The following FAM171A2 variants were observed in gnomAD, a reference collection of about 807,000 sequenced individuals.
FAM171A2 encodes the protein family with sequence similarity 171 member A2.
A neutral mutation model predicts 34.2 loss-of-function variants in FAM171A2; 13 were observed. The observed-to-expected ratio is 0.38, with a 90% confidence interval of 0.25 to 0.60. FAM171A2 has a LOEUF of 0.60. FAM171A2 is among the 20% of genes least tolerant of loss of function. The pLI is 0.62. For missense variants in FAM171A2, 950 were observed against 1,180.7 expected (o/e 0.80, Z 2.86); for synonymous variants, 475 against 561.2 (o/e 0.85, Z 2.17).
Position 44,355,679 on chromosome 17 carries a change from A to C in FAM171A2, c.1022+36T>G. On this transcript the variant is annotated intron_variant, in intron 7 of 7. Coordinates refer to ENST00000293443, the MANE Select transcript of FAM171A2 (RefSeq NM_198475.3). The surrounding 1 kb of genome is among the most constrained non-coding windows in gnomAD (Gnocchi z 4.1). Reference sequence around the variant, plus strand: ...TCTTTGGGGCCCCAGGGCCCGGTACAAGTGCAGGGGAGGGTGAGGGAAGCC... The same window carrying C: ...TCTTTGGGGCCCCAGGGCCCGGTACCAGTGCAGGGGAGGGTGAGGGAAGCC... 6.4e-7 allele frequency: 1 copy of C among 1,550,592 alleles called. No individual in the cohort carries two copies. Among genetic ancestry groups the C allele is most frequent in the Non-Finnish European group, 8.7e-7 (1 of 1,146,502 alleles).
Position 44,354,534 on chromosome 17 carries a change from G to A in FAM171A2, c.1680C>T (p.Asp560=), listed in dbSNP as rs145834427. The A allele has an allele frequency of 0.011, 12,511 of 1,175,318 alleles. 1,110 individuals carry two copies. The African/African-American group carries it at 0.18, about 17-fold the overall frequency. The allele number at this position is 1,175,318 out of a possible 1,614,324, so 72.8% of individuals were successfully genotyped here. ...CCGTGCCCTCCGGCGGGGCCGGCTC[G>A]TCGCCCACGCCGGCGGCGCCCGCCT... ...GGEAGAAGVG[D]EPAPPEGTAP... The change falls in exon 8 of 8, where the codon GAC becomes GAT. Residue 560 remains aspartate, a synonymous_variant. Coordinates refer to ENST00000293443, the MANE Select transcript of FAM171A2 (RefSeq NM_198475.3). This position sits in a 1 kb window ranked among gnomAD's most constrained non-coding sequence, Gnocchi z 5.8.
intron 3 of FAM171A2, among the ~76,000 whole-genome samples, chr17:44,357,654 A>G (rs867289577): frequency 6.6e-6 from 1 of 151,976 alleles, no homozygotes; most frequent in Non-Finnish European, 1.5e-5. Context: ...CTCAAAAAAA[A>G]AAATTAATGA....
rs2048422414 is a variant in FAM171A2 at position 44,356,175 on chromosome 17, C to T, written c.776G>A (p.Ser259Asn). The change falls in exon 5 of 8, where the codon AGT becomes AAT. Residue 259 changes from serine to asparagine, a missense_variant and splice_region_variant. Around this residue, in one of 3 missense-constraint regions of FAM171A2, gnomAD observed 752 missense variants for 924.5 expected, o/e 0.81. Transcript: ENST00000293443. ...CTGCAGCCCCCTGAGGCACTTACCA[C>T]TCTTGGGGTCAAATCTCCAGGCTGG... The part of the protein sequence containing the change: ...SIPAWRFDPK[S>N]GLWVRNGTGV... The T allele has an allele frequency of 2.6e-6, 4 of 1,546,250 alleles. No homozygotes were observed. The highest frequency in any genetic ancestry group is 3.5e-6 in the Non-Finnish European group (4 of 1,143,108).
At chr17:44,356,705 C>CA in intron 3 of FAM171A2, 117 bp from the exon 4 acceptor site, 1 of 1,178,000 alleles carries the variant, frequency 8.5e-7, no homozygotes, top group Admixed American at 2.9e-5. Context: ...TTTGGAAGGC[C>CA]AGGGAGGGTG....
Position 44,354,266 on chromosome 17 carries a change from G to A in FAM171A2, c.1948C>T (p.His650Tyr). The change falls in exon 8 of 8, where the codon CAC becomes TAC. Residue 650 changes from histidine (H) to tyrosine (Y), a missense_variant. Around this residue, in one of 3 missense-constraint regions of FAM171A2, gnomAD observed 752 missense variants for 924.5 expected, o/e 0.81. Coordinates refer to ENST00000293443, the MANE Select transcript of FAM171A2 (RefSeq NM_198475.3). This position sits in a 1 kb window ranked among gnomAD's most constrained non-coding sequence, Gnocchi z 5.8. The part of the protein sequence containing the change: ...KKLLELGVKP[H>Y]PRAWFVSLDG... ...AGGGACACGAACCAGGCGCGCGGGT[G>A]CGGCTTCACGCCCAGTTCCAGCAGC... 1 of 1,453,094 alleles carries A rather than the reference G, an allele frequency of 6.9e-7. No individual in the cohort carries two copies. Among genetic ancestry groups the A allele is most frequent in the Non-Finnish European group, 9.1e-7 (1 of 1,096,438 alleles). 90.0% of individuals were successfully genotyped at this position (1,453,094 alleles called of 1,614,324 possible).
In FAM171A2 at chr17:44,353,950, T is replaced by C; in HGVS notation, c.2264A>G (p.Glu755Gly). ...CGCCCGGCCCTCGGGCGCCGCCACC[T>C]CGTCCAGCAGCGGCGTCAGCGAGTT... is the stretch of plus-strand genomic sequence containing the variant. ...EDNSLTPLLD[E>G]VAAPEGRAAT... The change falls in exon 8 of 8, where the codon GAG becomes GGG. Residue 755 changes from glutamate (E) to glycine (G), a missense_variant. Physicochemically the swap from Glu to Gly is moderately conservative, Grantham distance 98 (BLOSUM62 -2). Transcript: ENST00000293443. 7.7e-7 allele frequency: 1 copy of C among 1,294,650 alleles called. No individual in the cohort carries two copies. The highest frequency in any genetic ancestry group is 9.7e-7 in the Non-Finnish European group (1 of 1,026,024). The allele number at this position is 1,294,650 out of a possible 1,614,324, so 80.2% of individuals were successfully genotyped here.
In FAM171A2 at chr17:44,354,842, C is replaced by A; in HGVS notation, c.1372G>T (p.Glu458Ter). The A allele has an allele frequency of 7.8e-7, 1 of 1,286,558 alleles. No homozygotes were observed. Among genetic ancestry groups the A allele is most frequent in the South Asian group, 2.5e-5 (1 of 40,784 alleles). 79.7% of individuals were successfully genotyped at this position (1,286,558 alleles called of 1,614,324 possible). ...EGPGGLEPGL[E>*]EHRRGPSGAA... ...CCCGAGGGCCCCCGCCGGTGCTCCTCTAGGCCGGGCTCCAGCCCGCCGGGG... is the reference window on the plus strand; with the variant it reads ...CCCGAGGGCCCCCGCCGGTGCTCCTATAGGCCGGGCTCCAGCCCGCCGGGG... The change falls in exon 8 of 8, where the codon GAG becomes TAG. Residue 458 changes from glutamate to a stop codon, truncating the protein, a stop_gained. Transcript: ENST00000293443. LOFTEE classifies it low-confidence loss of function (END_TRUNC). The surrounding 1 kb of genome is among the most constrained non-coding windows in gnomAD (Gnocchi z 5.8).
At position 44,356,309 on chromosome 17, in the gene FAM171A2, G is replaced by T; in HGVS notation, c.642C>A (p.Ser214Arg). ...TCCCATTACCTGTCAGCAGGTGCAC[G>T]CTCACAGCAGTCAGGGGCATCAGCT... ...WLELMPLTAV[S>R]VHLLTGNGTE... The change falls in exon 5 of 8, where the codon AGC becomes AGA. Residue 214 changes from serine (S) to arginine (R), a missense_variant. By Grantham distance (110) the Ser-to-Arg change is moderately radical. This residue lies in a region of FAM171A2 where 752 missense variants were observed against 924.5 expected (regional missense o/e 0.81). Coordinates refer to ENST00000293443, the MANE Select transcript of FAM171A2 (RefSeq NM_198475.3). The T allele has an allele frequency of 6.5e-7, 1 of 1,550,184 alleles. No individual in the cohort carries two copies. Among genetic ancestry groups the T allele is most frequent in the Non-Finnish European group, 8.7e-7 (1 of 1,146,162 alleles).
In FAM171A2 at chr17:44,354,616, T is replaced by C. The variant is rs1598367851; in HGVS notation, c.1598A>G (p.Tyr533Cys). 2.4e-6 allele frequency: 3 copies of C among 1,267,078 alleles called. No individual in the cohort carries two copies. The East Asian group carries it at 9.5e-5, about 40-fold the overall frequency. 78.5% of individuals were successfully genotyped at this position (1,267,078 alleles called of 1,614,324 possible). Reference sequence around the variant, plus strand: ...CACCAGGGTGGGCATGACGTTGCGGTAGACGTTGTCCTTGAGGTGGTCGAT... The same window carrying C: ...CACCAGGGTGGGCATGACGTTGCGGCAGACGTTGTCCTTGAGGTGGTCGAT... Reference protein sequence around the residue: ...GSIDHLKDNVYRNVMPTLVIP... With the variant: ...GSIDHLKDNVCRNVMPTLVIP... Residue 533 changes from tyrosine (Y) to cysteine (C), a missense_variant, in exon 8 of 8, where the codon TAC (tyrosine) becomes TGC (cysteine). This residue lies in a region of FAM171A2 where 752 missense variants were observed against 924.5 expected (regional missense o/e 0.81). Coordinates refer to ENST00000293443, the MANE Select transcript of FAM171A2 (RefSeq NM_198475.3). This position sits in a 1 kb window ranked among gnomAD's most constrained non-coding sequence, Gnocchi z 5.8.
At position 44,359,367 on chromosome 17, in the gene FAM171A2, A is replaced by T; in HGVS notation, c.439+212T>A. ...CGATAACTGTAAACATTTATTGAACACCTTCTGTACTGTGTTTTTTCACTT... is the reference window on the plus strand; with the variant it reads ...CGATAACTGTAAACATTTATTGAACTCCTTCTGTACTGTGTTTTTTCACTT... On this transcript the variant is annotated intron_variant, in intron 3 of 7. Coordinates refer to ENST00000293443, the MANE Select transcript of FAM171A2 (RefSeq NM_198475.3). The T allele has an allele frequency of 5.2e-6, 3 of 572,648 alleles. No individual in the cohort carries two copies. The South Asian group carries it at 6.5e-5, about 13-fold the overall frequency. The allele number at this position is 572,648 out of a possible 1,614,324, so 35.5% of individuals were successfully genotyped here.
At chr17:44,357,992 A>G (rs2048432485) in intron 3 of FAM171A2, among the ~76,000 whole-genome samples, 1 of 152,176 alleles carries the variant, frequency 6.6e-6, no homozygotes, top group African/African-American at 2.4e-5. Flanking sequence ...TCGAGCCCGG[A>G]TAGAAGCCCA....
chr17:44,359,462 G>T, intron 3 of FAM171A2, 117 bp downstream of exon 3: 1 of 802,464 alleles, frequency 1.2e-6, no homozygotes, highest in Non-Finnish European at 2.0e-6. Flanking sequence ...GCAAATTATG[G>T]CTCAGAGAGG....
chr17:44,355,321 G>T lies in FAM171A2; in HGVS notation c.1023-130C>A. On this transcript the variant is annotated intron_variant, in intron 7 of 7. Transcript: ENST00000293443. This position sits in a 1 kb window ranked among gnomAD's most constrained non-coding sequence, Gnocchi z 4.1. ...TGGGGAGAATGCCTGGGGCGCTCAG[G>T]AGAGATGGCGGGGAGCCGCCGTGTC... The T allele has an allele frequency of 7.0e-7, 1 of 1,431,528 alleles. No individual in the cohort carries two copies. Among genetic ancestry groups the T allele is most frequent in the Non-Finnish European group, 9.2e-7 (1 of 1,088,662 alleles). 88.7% of individuals were successfully genotyped at this position (1,431,528 alleles called of 1,614,324 possible).
chr17:44,356,702 G>A (rs998834982), intron 3 of FAM171A2, 114 bp from the exon 4 acceptor site: 3 of 1,182,852 alleles, frequency 2.5e-6, no homozygotes, highest in Admixed American at 2.9e-5. Flanking sequence ...CACTTTGGAA[G>A]GCCAGGGAGG....
At position 44,359,573 on chromosome 17, in the gene FAM171A2, C is replaced by A. The variant is rs2048439254; in HGVS notation, c.439+6G>T. ...AAGAGTTGGCGTGGGTGAGGGGGAG[C>A]CTTACCGGGAGAGCCTAGGAGAATG... On this transcript the variant is annotated splice_donor_region_variant and intron_variant, in intron 3 of 7. Coordinates refer to ENST00000293443, the MANE Select transcript of FAM171A2 (RefSeq NM_198475.3). The A allele has an allele frequency of 1.3e-6, 2 of 1,550,870 alleles. No homozygotes were observed. The highest frequency in any genetic ancestry group is 1.4e-5 in the African/African-American group (1 of 73,108).
rs1348813988 is a variant in FAM171A2, at chr17:44,354,326, G to C, written c.1888C>G (p.Leu630Val). The C allele has an allele frequency of 6.9e-7, 1 of 1,445,564 alleles. No homozygotes were observed. The highest frequency in any genetic ancestry group is 9.2e-7 in the Non-Finnish European group (1 of 1,088,438). 89.5% of individuals were successfully genotyped at this position (1,445,564 alleles called of 1,614,324 possible). A position where few individuals can be genotyped will look rare whatever the true frequency, so the allele number is the denominator to read the frequency against. ...VLFNESTMAQ[L>V]NGELQALTEK... The stretch of plus-strand genomic sequence containing the variant: ...GTCAGGGCCTGCAGCTCCCCGTTGA[G>C]CTGCGCCATGGTGGACTCGTTGAAT... Residue 630 changes from leucine to valine, a missense_variant, in exon 8 of 8, where the codon CTC becomes GTC. Transcript: ENST00000293443. The surrounding 1 kb of genome is among the most constrained non-coding windows in gnomAD (Gnocchi z 5.8).
Position 44,355,337 on chromosome 17 carries a change from C to T in FAM171A2, c.1023-146G>A. On this transcript the variant is annotated intron_variant, in intron 7 of 7. Coordinates refer to ENST00000293443, the MANE Select transcript of FAM171A2 (RefSeq NM_198475.3). The surrounding 1 kb of genome is among the most constrained non-coding windows in gnomAD (Gnocchi z 4.1). ...GGCGCTCAGGAGAGATGGCGGGGAG[C>T]CGCCGTGTCCGTTTGGCGATCCCCT... 1.5e-6 allele frequency: 2 copies of T among 1,376,114 alleles called. No homozygotes were observed. Among genetic ancestry groups the T allele is most frequent in the Non-Finnish European group, 1.9e-6 (2 of 1,041,358 alleles). The allele number at this position is 1,376,114 out of a possible 1,614,324, so 85.2% of individuals were successfully genotyped here. A position where few individuals can be genotyped will look rare whatever the true frequency, so the allele number is the denominator to read the frequency against.
At chr17:44,363,024 A>T (rs2048454016) in intron 1 of FAM171A2, among the ~76,000 whole-genome samples, 1 of 152,106 alleles carries the variant, frequency 6.6e-6, no homozygotes, top group Admixed American at 6.5e-5. Flanking sequence ...ACTCTAAACC[A>T]GGGGGGCTGG....
In FAM171A2 at chr17:44,354,956, G is replaced by A; in HGVS notation, c.1258C>T (p.Pro420Ser). The change falls in exon 8 of 8, where the codon CCG becomes TCG. Residue 420 changes from proline to serine, a missense_variant. Physicochemically the swap from Pro to Ser is moderately conservative, Grantham distance 74. Around this residue, in one of 3 missense-constraint regions of FAM171A2, gnomAD observed 752 missense variants for 924.5 expected, o/e 0.81. Transcript: ENST00000293443. This position sits in a 1 kb window ranked among gnomAD's most constrained non-coding sequence, Gnocchi z 5.8. ...SSRDDFFRTK[P>S]RSASRPAAEP... is the part of the protein sequence containing the mutation. ...GCGGCCGGGCGGCTGGCAGAGCGCG[G>A]CTTGGTGCGGAAGAAGTCATCCCGG... 6.9e-7 allele frequency: 1 copy of A among 1,452,322 alleles called. No individual in the cohort carries two copies. Among genetic ancestry groups the A allele is most frequent in the Non-Finnish European group, 9.1e-7 (1 of 1,104,556 alleles). The allele number at this position is 1,452,322 out of a possible 1,614,324, so 90.0% of individuals were successfully genotyped here. A position where few individuals can be genotyped will look rare whatever the true frequency, so the allele number is the denominator to read the frequency against.
Sources: allele counts gnomAD v4.1 joint callset (sites outside exome capture counted in the v4.1 genomes callset), GRCh38; gene constraint gnomAD v4.1.1; regional missense constraint gnomAD v4.1.1; non-coding constraint Gnocchi (gnomAD v3.1); transcripts MANE v1.5; gene names NCBI Gene and HGNC (gene_info 2026-07-23, HGNC 2026-07-21).